The following YTHDF3 variants were observed in gnomAD, a reference collection of about 807,000 sequenced individuals.
The protein encoded by YTHDF3 is YTH N6-methyladenosine RNA binding protein F3, also known as YTH domain-containing family protein 3.
A neutral mutation model predicts 52.5 loss-of-function variants in YTHDF3; 9 were observed. The ratio of observed to expected loss-of-function variants is 0.17; its 90% CI spans 0.10 to 0.30. YTHDF3 has a LOEUF of 0.30. YTHDF3 is among the 10% of genes least tolerant of loss of function. The pLI, the probability that YTHDF3 is intolerant of heterozygous loss-of-function variation, is 1.00. For synonymous variants in YTHDF3, 274 were observed against 243.3 expected (o/e 1.13, Z -1.18); for missense variants, 534 against 715.0 (o/e 0.75, Z 2.89).
intron 3 of YTHDF3, among the ~76,000 whole-genome samples, chr8:63,177,816 G>A (rs1482489874): frequency 1.3e-5 from 2 of 149,692 alleles, no homozygotes; most frequent in East Asian, 3.9e-4. Flanking sequence ...GGAGTGCAGT[G>A]GCATAATCTT....
rs560323414 is a variant in YTHDF3 at position 63,203,016 on chromosome 8, C to T, written c.1735-6667C>T. On this transcript the variant is annotated intron_variant, in intron 4 of 4. Coordinates refer to ENST00000539294, the MANE Select transcript of YTHDF3 (RefSeq NM_152758.6). The stretch of plus-strand genomic sequence containing the variant: ...TATCACTAAGGGAGGCCAAGGCACG[C>T]GGATCACCTGAGGTCAGGAGTTTGG... Among the ~76,000 whole-genome samples, 45 of 152,128 alleles carry T rather than the reference C, an allele frequency of 3.0e-4. No individual in the cohort carries two copies. The East Asian group carries it at 5.8e-3, about 20-fold the overall frequency.
intron 3 of YTHDF3, among the ~76,000 whole-genome samples, chr8:63,183,783 G>C (rs558967487): frequency 6.6e-6 from 1 of 152,124 alleles, no homozygotes; most frequent in Non-Finnish European, 1.5e-5. Flanking sequence ...CTACATTCAC[G>C]GATTCAGTCA....
In YTHDF3 at chr8:63,170,123, C is replaced by G. The variant is rs145836956; in HGVS notation, c.49+712C>G. On this transcript the variant is annotated intron_variant, in intron 2 of 4. Coordinates refer to ENST00000539294, the MANE Select transcript of YTHDF3 (RefSeq NM_152758.6). The stretch of plus-strand genomic sequence containing the variant: ...CAGTCAGCTGACTGAAACATTATGA[C>G]ATTAGTCATGTGACATTTAGTTAAG... Among the ~76,000 whole-genome samples, 550 of 152,252 alleles carry G rather than the reference C, an allele frequency of 3.6e-3. 2 individuals carry two copies. Among genetic ancestry groups the G allele is most frequent in the African/African-American group, 0.012 (498 of 41,558 alleles).
At chr8:63,198,757 C>T (rs192413275) in intron 4 of YTHDF3, among the ~76,000 whole-genome samples, 2 of 152,136 alleles carry the variant, frequency 1.3e-5, no homozygotes, top group Admixed American at 6.5e-5. Context: ...TTTTTAGTAA[C>T]GTGGATTGAA....
intron 4 of YTHDF3, chr8:63,188,709 T>A (rs1473835342): frequency 4.1e-4 from 45 of 109,068 alleles, no homozygotes; most frequent in African/African-American, 1.5e-3. Flanking sequence ...ATATTTTTTT[T>A]TTTTTTTTTT....
intron 4 of YTHDF3, among the ~76,000 whole-genome samples, chr8:63,203,473 CTT>C (rs1245464308): frequency 1.3e-5 from 2 of 152,218 alleles, no homozygotes; most frequent in African/African-American, 4.8e-5. Flanking sequence ...TTTTAAAAAA[CTT>C]TATTTTGAAA....
At chr8:63,200,173 G>A (rs553682201) in intron 4 of YTHDF3, among the ~76,000 whole-genome samples, 10 of 152,232 alleles carry the variant, frequency 6.6e-5, no homozygotes, top group African/African-American at 2.4e-4. Flanking sequence ...AGCGTTGTTG[G>A]ACTAAGAGCC....
At chr8:63,180,857 G>A (rs1485155278) in intron 3 of YTHDF3, among the ~76,000 whole-genome samples, 1 of 152,196 alleles carries the variant, frequency 6.6e-6, no homozygotes, top group Non-Finnish European at 1.5e-5. Context: ...GCCTGCAATC[G>A]CAGGCACTCG....
chr8:63,202,468 T>G (rs1809701887), intron 4 of YTHDF3, among the ~76,000 whole-genome samples: 2 of 151,790 alleles, frequency 1.3e-5, no homozygotes, highest in Admixed American at 1.3e-4. Context: ...TACTCTTTTT[T>G]TTTTTTTTTT....
At chr8:63,173,723 T>C in intron 2 of YTHDF3, 1 of 982,316 alleles carries the variant, frequency 1.0e-6, no homozygotes, top group Non-Finnish European at 1.2e-6. Flanking sequence ...AACCCAGCCT[T>C]ATAATGGCAC....
At chr8:63,183,180 C>T (rs1295507623) in intron 3 of YTHDF3, among the ~76,000 whole-genome samples, 1 of 152,008 alleles carries the variant, frequency 6.6e-6, no homozygotes, top group African/African-American at 2.4e-5. Context: ...AGGCTGGTCT[C>T]GAACTCCAGA....
chr8:63,194,337 T>C (rs781461725), intron 4 of YTHDF3, among the ~76,000 whole-genome samples: 1 of 151,434 alleles, frequency 6.6e-6, no homozygotes, highest in Non-Finnish European at 1.5e-5. Context: ...TACAAAAAAT[T>C]AGCCGGGCAT....
At chr8:63,189,349 A>G (rs368807793) in intron 4 of YTHDF3, among the ~76,000 whole-genome samples, 26 of 152,238 alleles carry the variant, frequency 1.7e-4, no homozygotes, top group African/African-American at 6.3e-4. Flanking sequence ...TTGGGGTCCT[A>G]TTTTTAGGTG....
At chr8:63,192,492 T>C (rs1457569410) in intron 4 of YTHDF3, among the ~76,000 whole-genome samples, 1 of 152,238 alleles carries the variant, frequency 6.6e-6, no homozygotes, top group Admixed American at 6.5e-5. Flanking sequence ...GGTATTTGAC[T>C]GTCCCTTAAG....
intron 1 of YTHDF3, 136 bp downstream of exon 1, chr8:63,169,037 A>G: frequency 2.1e-6 from 3 of 1,443,868 alleles, no homozygotes; most frequent in Non-Finnish European, 2.7e-6. Context: ...GCTGCGGTGT[A>G]GCTACCCGGG....
Position 63,183,521 on chromosome 8 carries a change from C to T in YTHDF3, c.136-2626C>T, listed in dbSNP as rs184865473. On this transcript the variant is annotated intron_variant, in intron 3 of 4. Transcript: ENST00000539294. ...ATTGTTGGTGTATTTGAACTTCCCT[C>T]AGTCTTTTCTTTATAGATGTATTTA... Among the ~76,000 whole-genome samples the T allele has an allele frequency of 1.8e-4, 28 of 152,238 alleles. No homozygotes were observed. In the East Asian group the frequency reaches 4.6e-3, roughly 25 times the overall value.
At chr8:63,170,528 A>T (rs1265458471) in intron 2 of YTHDF3, among the ~76,000 whole-genome samples, 1 of 152,172 alleles carries the variant, frequency 6.6e-6, no homozygotes, top group Admixed American at 6.5e-5. Context: ...TTAATTTTTA[A>T]AATTTCATTT....
intron 4 of YTHDF3, among the ~76,000 whole-genome samples, chr8:63,197,322 G>A (rs1057265001): frequency 2.0e-5 from 3 of 152,074 alleles, no homozygotes; most frequent in African/African-American, 4.8e-5. Context: ...TTCTTTATAG[G>A]TGTAATCGCT....
rs1437406804 is a variant in YTHDF3, at chr8:63,183,768, AG to A, written c.136-2378del. On this transcript the variant is annotated intron_variant, in intron 3 of 4. Transcript: ENST00000539294. ...AATATAGTCAGCCCTCCGTATCTGC[AG>A]TGTCTACATTCACGGATTCAGTCAG... 2.6e-5 allele frequency among the ~76,000 whole-genome samples: 4 copies of A among 152,356 alleles called. No homozygotes were observed. The East Asian group carries it at 7.7e-4, about 29-fold the overall frequency.
Sources: allele counts gnomAD v4.1 joint callset (sites outside exome capture counted in the v4.1 genomes callset), GRCh38; gene constraint gnomAD v4.1.1; transcripts MANE v1.5; gene names NCBI Gene and HGNC (gene_info 2026-07-23, HGNC 2026-07-21).